LSP1: variants seen among roughly 807,000 people sequenced by gnomAD.
LSP1 encodes the protein lymphocyte specific protein 1.
LSP1 carries 32 observed loss-of-function variants against 49.3 expected under a neutral mutation model. That is an observed-to-expected ratio of 0.65 (90% CI 0.49 to 0.87). The LOEUF (loss-of-function observed/expected upper bound fraction) is 0.87. Among genes scored for constraint, LSP1 ranks in the 40% least tolerant of loss-of-function variants. The probability of loss-of-function intolerance (pLI) is 0.00; values close to 1 mark genes in which losing one functional copy is unlikely to be tolerated. For synonymous variants in LSP1, 179 were observed against 178.8 expected, an observed-to-expected ratio of 1.00 and a Z score of -0.01; for missense variants, 428 against 442.6, an observed-to-expected ratio of 0.97 and a Z score of 0.30.
At chr11:1,869,705 T>C (rs1847914415) in intron 1 of LSP1, 2 of 470,310 alleles carry the variant, frequency 4.3e-6, no homozygotes, top group Non-Finnish European at 8.8e-6. Flanking sequence ...GAGAAATGGA[T>C]GCTGGAGGAA....
Position 1,891,778 on chromosome 11 carries a change from T to A in LSP1, c.*19T>A, listed in dbSNP as rs2133150039. On this transcript the variant is annotated 3_prime_UTR_variant, in exon 11 of 11. Coordinates refer to ENST00000311604, the MANE Select transcript of LSP1 (RefSeq NM_002339.3). ...ACCCCATGCCTATGTTCCAGCTTCC[T>A]GGGTCTGCAGGTCCAGCCGGCTGGC... is the stretch of plus-strand genomic sequence containing the variant. 1 of 152,686 alleles carries A rather than the reference T, an allele frequency of 6.5e-6. No individual in the cohort carries two copies. The highest frequency in any genetic ancestry group is 2.4e-5 in the African/African-American group (1 of 41,538). 9.5% of individuals were successfully genotyped at this position (152,686 alleles called of 1,614,324 possible).
intron 10 of LSP1, chr11:1,891,329 G>A (rs558191963): frequency 1.3e-5 from 2 of 152,374 alleles, no homozygotes; most frequent in South Asian, 4.1e-4. Context: ...TTTGGGGAAG[G>A]AGGGAGTCCT....
intron 7 of LSP1, among the ~76,000 whole-genome samples, chr11:1,886,513 C>CT (rs756356443): frequency 1.8e-4 from 27 of 152,238 alleles, no homozygotes; most frequent in Non-Finnish European, 1.8e-4. Flanking sequence ...TCCTGTGCGC[C>CT]ATCATCTCCC....
intron 1 of LSP1, among the ~76,000 whole-genome samples, chr11:1,876,917 C>T (rs1211965133): frequency 1.3e-5 from 2 of 151,838 alleles, no homozygotes; most frequent in Admixed American, 6.6e-5. Context: ...TGTGAGGGTG[C>T]GGGGGTGTGC....
At chr11:1,859,171 G>A (rs923807236) in intron 1 of LSP1, among the ~76,000 whole-genome samples, 20 of 152,122 alleles carry the variant, frequency 1.3e-4, no homozygotes, top group Admixed American at 5.9e-4. Flanking sequence ...AGTTTCCCTG[G>A]GAGCAGTGGT....
At chr11:1,867,301 C>T (rs1672705755) in intron 1 of LSP1, among the ~76,000 whole-genome samples, 1 of 152,218 alleles carries the variant, frequency 6.6e-6, no homozygotes, top group South Asian at 2.1e-4. Context: ...ATACACACCC[C>T]CTCCAGGACA....
At chr11:1,872,993 A>T (rs1445825114) in intron 1 of LSP1, among the ~76,000 whole-genome samples, 2 of 151,562 alleles carry the variant, frequency 1.3e-5, no homozygotes, top group Non-Finnish European at 2.9e-5. Context: ...GTATAGGGGG[A>T]AGCAGGTTCG....
rs1848144318 is a variant in LSP1, at chr11:1,873,738, C to A, written c.54-6349C>A. ...GCAGGCTGAGAAGAAAAAGCTGGAACCAAGTCTGGGCTAGTCTGGTGGTTG... is the reference window on the plus strand; with the variant it reads ...GCAGGCTGAGAAGAAAAAGCTGGAAACAAGTCTGGGCTAGTCTGGTGGTTG... On this transcript the variant is annotated intron_variant, in intron 1 of 10. Coordinates refer to ENST00000311604, the MANE Select transcript of LSP1 (RefSeq NM_002339.3). Among the ~76,000 whole-genome samples, 7 of 151,910 alleles carry A rather than the reference C, an allele frequency of 4.6e-5. No homozygotes were observed. The South Asian group carries it at 1.5e-3, about 31-fold the overall frequency.
intron 7 of LSP1, among the ~76,000 whole-genome samples, chr11:1,885,716 C>T (rs569212897): frequency 6.6e-6 from 1 of 151,262 alleles, no homozygotes; most frequent in African/African-American, 2.4e-5. Context: ...CACCCAGTGC[C>T]CCTCCATCCA....
At chr11:1,874,372 T>C (rs1848220732) in intron 1 of LSP1, among the ~76,000 whole-genome samples, 1 of 150,520 alleles carries the variant, frequency 6.6e-6, no homozygotes, top group African/African-American at 2.5e-5. Context: ...GGGGTGAGGA[T>C]CTGGTCTCCC....
intron 10 of LSP1, among the ~76,000 whole-genome samples, chr11:1,887,790 G>C (rs2133134628): frequency 6.6e-6 from 1 of 152,228 alleles, no homozygotes; most frequent in Non-Finnish European, 1.5e-5. Context: ...CATTTCACTA[G>C]AGTCAGCCCG....
chr11:1,872,270 T>A (rs1215492946), intron 1 of LSP1, among the ~76,000 whole-genome samples: 3 of 126,486 alleles, frequency 2.4e-5, no homozygotes, highest in Admixed American at 2.4e-4. Context: ...AGAGTTGGGG[T>A]CTGTCCGGCT....
At chr11:1,865,537 G>C (rs1028716746) in intron 1 of LSP1, among the ~76,000 whole-genome samples, 1 of 134,856 alleles carries the variant, frequency 7.4e-6, no homozygotes, top group Non-Finnish European at 1.6e-5. Context: ...TGCTCACACC[G>C]TCCCACCCGC....
intron 1 of LSP1, chr11:1,867,018 A>C: frequency 8.8e-7 from 1 of 1,137,582 alleles, no homozygotes; most frequent in Non-Finnish European, 1.2e-6. Context: ...GCCCAGGCTC[A>C]GGGCCAGTCC....
intron 1 of LSP1, among the ~76,000 whole-genome samples, chr11:1,859,312 T>C (rs1262598939): frequency 1.3e-5 from 2 of 152,096 alleles, no homozygotes; most frequent in African/African-American, 4.8e-5. Context: ...AGTCTCCAGC[T>C]GCTCATGGGC....
In LSP1 at chr11:1,883,467, G is replaced by A. The variant is rs1275359306; in HGVS notation, c.405G>A (p.Leu135=). 6.2e-6 allele frequency: 10 copies of A among 1,614,006 alleles called. No homozygotes were observed. Among genetic ancestry groups the A allele is most frequent in the Admixed American group, 1.7e-5 (1 of 60,004 alleles). The stretch of plus-strand genomic sequence containing the variant: ...AGGAGGACAGTGATGAAGTCCACCT[G>A]GAGGAGTTGAGTCTGAGCAAGGAGG... ...YEKEDSDEVH[L]EELSLSKEGP... The change falls in exon 4 of 11, where the codon CTG becomes CTA. Residue 135 remains leucine, a synonymous_variant. Transcript: ENST00000311604.
chr11:1,861,908 T>C (rs1321011859), intron 1 of LSP1, among the ~76,000 whole-genome samples: 2 of 19,606 alleles, frequency 1.0e-4, no homozygotes, highest in East Asian at 3.5e-3. Flanking sequence ...GGTGAACGGA[T>C]GGATGGATGG....
At chr11:1,865,094 GGAGGAGGGCAGCAGA>G in intron 1 of LSP1, 2 of 578,358 alleles carry the variant, frequency 3.5e-6, no homozygotes, top group Non-Finnish European at 2.2e-6. Flanking sequence ...CAGGGGTGCG[GGAGGAGGGCAGCAGA>G]GAGGAGGGCC....
chr11:1,876,576 A>AG, intron 1 of LSP1: 2 of 985,560 alleles, frequency 2.0e-6, no homozygotes, highest in East Asian at 1.1e-4. Context: ...AGCTGCCTGC[A>AG]GGGGGCAGAG....
Sources: gnomAD v4.1 joint callset for allele counts (sites outside exome capture counted in the v4.1 genomes callset) on GRCh38, gnomAD v4.1.1 for gene constraint, MANE v1.5 for transcripts, NCBI Gene and HGNC (gene_info 2026-07-23, HGNC 2026-07-21) for gene names.